The following CRPPA variants were observed in gnomAD, a reference collection of about 807,000 sequenced individuals.
CRPPA encodes D-ribitol-5-phosphate cytidylyltransferase.
A neutral mutation model predicts 52.0 loss-of-function variants in CRPPA; 43 were observed. That is an observed-to-expected ratio of 0.83 (90% CI 0.65 to 1.07). The LOEUF (loss-of-function observed/expected upper bound fraction) is 1.07. Ranked by LOEUF, CRPPA falls within the 50% of genes least tolerant of loss-of-function variation. The pLI, the probability that CRPPA is intolerant of heterozygous loss-of-function variation, is 0.00. For synonymous variants in CRPPA, 250 were observed against 203.5 expected, an observed-to-expected ratio of 1.23 and a Z score of -1.94; for missense variants, 629 against 551.7, an observed-to-expected ratio of 1.14 and a Z score of -1.40.
chr7:16,257,739 T>TATAC (rs1783682386), intron 8 of CRPPA, among the ~76,000 whole-genome samples: 3 of 152,094 alleles, frequency 2.0e-5, no homozygotes, highest in Non-Finnish European at 4.4e-5. Context: ...TGCTACCAAC[T>TATAC]ATACATTCTG....
At chr7:16,281,072 C>T (rs529649668) in intron 5 of CRPPA, among the ~76,000 whole-genome samples, 10 of 152,244 alleles carry the variant, frequency 6.6e-5, no homozygotes, top group Non-Finnish European at 1.3e-4. Flanking sequence ...TTCAGTTACC[C>T]TAAATAGAAC....
At chr7:16,268,967 C>A (rs2128415462) in intron 6 of CRPPA, 1 of 152,282 alleles carries the variant, frequency 6.6e-6, no homozygotes, top group East Asian at 1.9e-4. Context: ...ATAGTTTTTT[C>A]TTCTGGTTAG....
chr7:16,246,349 G>A (rs1783273441), intron 8 of CRPPA, among the ~76,000 whole-genome samples: 1 of 152,026 alleles, frequency 6.6e-6, no homozygotes, highest in South Asian at 2.1e-4. Flanking sequence ...CTATTCTCTT[G>A]CTATTGCCAC....
At position 16,265,048 on chromosome 7, in the gene CRPPA, T is replaced by C. The variant is rs941678165; in HGVS notation, c.934-6036A>G. On this transcript the variant is annotated intron_variant, in intron 6 of 9. Coordinates refer to ENST00000407010, the MANE Select transcript of CRPPA (RefSeq NM_001101426.4). ...AGGGTAAGAGTTAACTTTTCCAAGA[T>C]GTCTTCTCTATAGCTTGTCCTCGTA... 5.3e-5 allele frequency among the ~76,000 whole-genome samples: 8 copies of C among 152,336 alleles called. No individual in the cohort carries two copies. The East Asian group carries it at 7.7e-4, about 15-fold the overall frequency.
At chr7:16,216,734 A>G (rs28695581) in intron 8 of CRPPA, among the ~76,000 whole-genome samples, 13,572 of 151,754 alleles carry the variant, frequency 0.089, 821 homozygotes, top group African/African-American at 0.15. Flanking sequence ...TTTTCGGACC[A>G]GCTTAAAAAA....
intron 9 of CRPPA, among the ~76,000 whole-genome samples, chr7:16,132,001 G>T (rs1358535750): frequency 6.6e-6 from 1 of 152,170 alleles, no homozygotes; most frequent in Admixed American, 6.5e-5. Context: ...AGGGGAAGAG[G>T]TACTGCAAAC....
intron 9 of CRPPA, among the ~76,000 whole-genome samples, chr7:16,200,157 C>T (rs1232952011): frequency 6.6e-6 from 1 of 152,180 alleles, no homozygotes; most frequent in Non-Finnish European, 1.5e-5. Context: ...TCTGCCCGGC[C>T]AGATCTGTAG....
chr7:16,253,798 G>A (rs965259116), intron 8 of CRPPA, among the ~76,000 whole-genome samples: 3 of 152,028 alleles, frequency 2.0e-5, no homozygotes, highest in Non-Finnish European at 2.9e-5. Flanking sequence ...GAGTGAACAG[G>A]CAACCTACAG....
intron 3 of CRPPA, among the ~76,000 whole-genome samples, chr7:16,330,200 C>A (rs1785515211): frequency 6.6e-6 from 1 of 152,156 alleles, no homozygotes; most frequent in South Asian, 2.1e-4. Context: ...AAGACACATA[C>A]AGAATTTATA....
At chr7:16,152,694 T>G (rs554226753) in intron 9 of CRPPA, among the ~76,000 whole-genome samples, 3 of 152,152 alleles carry the variant, frequency 2.0e-5, no homozygotes, top group Middle Eastern at 6.8e-3. Context: ...TATTTCAACA[T>G]GAAAGGCAGG....
chr7:16,323,592 C>T (rs1271267067), intron 3 of CRPPA, among the ~76,000 whole-genome samples: 3 of 152,200 alleles, frequency 2.0e-5, no homozygotes. Flanking sequence ...AATCAGAGAA[C>T]CTCAGCTAAT....
chr7:16,308,437 T>A (rs1784961864), intron 4 of CRPPA, 86 bp downstream of exon 4: 1 of 736,256 alleles, frequency 1.4e-6, no homozygotes, highest in South Asian at 1.6e-5. Context: ...TAACTCCTAC[T>A]CAATGCACTA....
chr7:16,120,119 A>G (rs1296621429), intron 9 of CRPPA, among the ~76,000 whole-genome samples: 1 of 152,362 alleles, frequency 6.6e-6, no homozygotes, highest in East Asian at 1.9e-4. Context: ...GTACCTTGTT[A>G]ACCATTAGTA....
chr7:16,330,535 G>A (rs1785525075), intron 3 of CRPPA, among the ~76,000 whole-genome samples: 1 of 152,162 alleles, frequency 6.6e-6, no homozygotes, highest in Admixed American at 6.5e-5. Context: ...ACAAGTGCCT[G>A]CATAGGGAAA....
chr7:16,143,567 G>A (rs1242459118), intron 9 of CRPPA, among the ~76,000 whole-genome samples: 1 of 152,286 alleles, frequency 6.6e-6, no homozygotes, highest in African/African-American at 2.4e-5. Context: ...ACCTAATTCT[G>A]ACTGAAGAAA....
At chr7:16,163,711 G>A (rs963482447) in intron 9 of CRPPA, among the ~76,000 whole-genome samples, 5 of 152,250 alleles carry the variant, frequency 3.3e-5, no homozygotes, top group African/African-American at 9.6e-5. Context: ...GGCAGGCCTG[G>A]TGGTGACAAC....
chr7:16,158,673 A>G (rs541523012), intron 9 of CRPPA, among the ~76,000 whole-genome samples: 8 of 152,232 alleles, frequency 5.3e-5, no homozygotes, highest in African/African-American at 9.6e-5. Context: ...TTACTTTTCA[A>G]AAGTATCTTA....
At chr7:16,416,324 G>A (rs1277029064) in intron 1 of CRPPA, among the ~76,000 whole-genome samples, 1 of 152,004 alleles carries the variant, frequency 6.6e-6, no homozygotes, top group Non-Finnish European at 1.5e-5. Context: ...ATATCCAGAG[G>A]AATAAAACTG....
chr7:16,296,884 C>T (rs1053029648), intron 5 of CRPPA, among the ~76,000 whole-genome samples: 2 of 152,140 alleles, frequency 1.3e-5, no homozygotes, highest in Non-Finnish European at 2.9e-5. Flanking sequence ...CTTAGGAAAA[C>T]ACTGGGAGAG....
Sources: gnomAD v4.1 joint callset for allele counts (sites outside exome capture counted in the v4.1 genomes callset) on GRCh38, gnomAD v4.1.1 for gene constraint, MANE v1.5 for transcripts, NCBI Gene and HGNC (gene_info 2026-07-23, HGNC 2026-07-21) for gene names.